Variants in CRACR2A observed in about 807,000 individuals in gnomAD.
The protein encoded by CRACR2A is calcium release activated channel regulator 2A.
Under a neutral mutation model 90.5 loss-of-function variants are expected in CRACR2A, and 79 were observed. The ratio of observed to expected loss-of-function variants is 0.87; its 90% CI spans 0.73 to 1.05. The LOEUF is 1.05. Among genes scored for constraint, CRACR2A ranks in the 50% least tolerant of loss-of-function variants. CRACR2A has a pLI of 0.00. For synonymous variants in CRACR2A, 338 were observed against 356.7 expected (o/e 0.95, Z 0.59); for missense variants, 823 against 897.2 (o/e 0.92, Z 1.06).
chr12:3,741,684 C>G (rs1946527236), intron 1 of CRACR2A, among the ~76,000 whole-genome samples: 13 of 152,172 alleles, frequency 8.5e-5, no homozygotes, highest in Admixed American at 8.5e-4. Flanking sequence ...GGCTTCCCCA[C>G]CTGAGCTTTC....
intron 6 of CRACR2A, among the ~76,000 whole-genome samples, 178 bp from the exon 7 acceptor site, chr12:3,673,770 T>A (rs1000443235): frequency 3.3e-5 from 5 of 152,162 alleles, no homozygotes; most frequent in Admixed American, 2.6e-4. Flanking sequence ...GGATATCAGC[T>A]CATTTCGTCC....
intron 4 of CRACR2A, among the ~76,000 whole-genome samples, chr12:3,683,385 G>A (rs1049861974): frequency 6.6e-6 from 1 of 152,150 alleles, no homozygotes; most frequent in African/African-American, 2.4e-5. Flanking sequence ...AGATCCTGTG[G>A]CACGCACAGC....
At chr12:3,706,635 C>A (rs899755523) in intron 3 of CRACR2A, among the ~76,000 whole-genome samples, 5 of 152,230 alleles carry the variant, frequency 3.3e-5, no homozygotes, top group African/African-American at 1.2e-4. Context: ...GAGTCTCACT[C>A]TGTTGCCCGG....
At chr12:3,727,964 G>A (rs1206453010) in intron 2 of CRACR2A, 14 of 152,186 alleles carry the variant, frequency 9.2e-5, no homozygotes, top group Admixed American at 8.5e-4. Flanking sequence ...CAAGAGGGTA[G>A]GCCAACTGTA....
chr12:3,670,188 G>C (rs1348978144), intron 7 of CRACR2A, among the ~76,000 whole-genome samples: 1 of 152,192 alleles, frequency 6.6e-6, no homozygotes, highest in Non-Finnish European at 1.5e-5. Context: ...GTTCCGCCTG[G>C]TGCCTGGCCT....
chr12:3,683,412 AG>A (rs1945492053), intron 4 of CRACR2A, among the ~76,000 whole-genome samples: 1 of 152,178 alleles, frequency 6.6e-6, no homozygotes, highest in Non-Finnish European at 1.5e-5. Flanking sequence ...CACACCTGGA[AG>A]GGTGGGCCAG....
intron 1 of CRACR2A, among the ~76,000 whole-genome samples, chr12:3,751,999 T>A (rs1278123709): frequency 1.3e-5 from 2 of 152,184 alleles, no homozygotes; most frequent in African/African-American, 2.4e-5. Context: ...CTGCTCTGAT[T>A]TCATATCCCT....
chr12:3,637,690 T>G (rs575366213), intron 14 of CRACR2A, among the ~76,000 whole-genome samples: 1 of 152,106 alleles, frequency 6.6e-6, no homozygotes, highest in Non-Finnish European at 1.5e-5. Context: ...AATCAAATGT[T>G]TAGCCAGCCA....
chr12:3,683,114 G>A (rs1945488394), intron 4 of CRACR2A, among the ~76,000 whole-genome samples: 1 of 152,146 alleles, frequency 6.6e-6, no homozygotes, highest in Admixed American at 6.6e-5. Context: ...AGATAAGCAG[G>A]GTGGAGGGGA....
At chr12:3,640,668 C>A (rs1286165000) in intron 13 of CRACR2A, 1 of 1,305,426 alleles carries the variant, frequency 7.7e-7, no homozygotes, top group Non-Finnish European at 1.0e-6. Flanking sequence ...TGATTTACAT[C>A]TCCAGAGTCA....
intron 7 of CRACR2A, among the ~76,000 whole-genome samples, chr12:3,659,935 G>A (rs1233966137): frequency 6.6e-6 from 1 of 152,186 alleles, no homozygotes; most frequent in Non-Finnish European, 1.5e-5. Flanking sequence ...TGATCCCTAT[G>A]CTCCTCGGTG....
At chr12:3,716,913 G>T (rs1446888275) in intron 2 of CRACR2A, among the ~76,000 whole-genome samples, 2 of 149,852 alleles carry the variant, frequency 1.3e-5, no homozygotes, top group South Asian at 2.2e-4. Flanking sequence ...AAACAATTTT[G>T]AAATTCTTGT....
At chr12:3,634,050 C>T (rs1018865938) in intron 14 of CRACR2A, among the ~76,000 whole-genome samples, 13 of 152,278 alleles carry the variant, frequency 8.5e-5, no homozygotes, top group Admixed American at 3.3e-4. Context: ...AGCACGCTCA[C>T]GGATAAGGAC....
rs147316482 is a variant in CRACR2A, at chr12:3,654,392, C to T, written c.866G>A (p.Gly289Asp). The change falls in exon 10 of 20, where the codon GGT becomes GAT. Residue 289 changes from glycine to aspartate, a missense_variant. Transcript: ENST00000440314. ...QLTQKQKRLE[G>D]QCTALHHDKH... is the part of the protein sequence containing the mutation. The stretch of plus-strand genomic sequence containing the variant: ...GTCATGATGCAGGGCTGTGCACTGA[C>T]CTTCCAGCTGCAAAGGAATGGGGAG... The T allele has an allele frequency of 1.1e-5, 18 of 1,583,062 alleles. No individual in the cohort carries two copies. The African/African-American group carries it at 2.1e-4, about 18-fold the overall frequency.
intron 7 of CRACR2A, among the ~76,000 whole-genome samples, chr12:3,664,715 C>T (rs886704590): frequency 3.3e-5 from 5 of 152,196 alleles, no homozygotes; most frequent in Admixed American, 3.3e-4. Flanking sequence ...ATTCTCAAAA[C>T]ACTCCTTCTG....
intron 2 of CRACR2A, chr12:3,727,896 A>C (rs909223989): frequency 7.2e-5 from 11 of 152,194 alleles, no homozygotes. Flanking sequence ...AAATAAAATA[A>C]AATAAGGAAT....
intron 1 of CRACR2A, among the ~76,000 whole-genome samples, chr12:3,735,245 G>C (rs376561487): frequency 6.4e-4 from 98 of 152,294 alleles, no homozygotes; most frequent in Middle Eastern, 3.4e-3. Context: ...TGCGGAGATA[G>C]AGCAAGTGAG....
chr12:3,646,386 T>A (rs1435267923), intron 11 of CRACR2A, among the ~76,000 whole-genome samples: 3 of 152,214 alleles, frequency 2.0e-5, no homozygotes, highest in African/African-American at 7.2e-5. Context: ...TAGGCCCTGA[T>A]CATCATAATG....
At position 3,649,239 on chromosome 12, in the gene CRACR2A, G is replaced by GATAAATAAATAAATAA. The variant is rs367646184; in HGVS notation, c.1047-642_1047-627dup. Among the ~76,000 whole-genome samples the GATAAATAAATAAATAA allele has an allele frequency of 6.4e-3, 950 of 149,082 alleles. 8 individuals are homozygous for GATAAATAAATAAATAA. The highest frequency in any genetic ancestry group is 0.019 in the African/African-American group (761 of 40,216). On this transcript the variant is annotated intron_variant, in intron 10 of 19. Transcript: ENST00000440314. ...AAAACTTAAAGTATAACAATAATAA[G>GATAAATAAATAAATAA]ATAAATAAATAAATAAATAAATAAA...
Sources: allele counts gnomAD v4.1 joint callset (sites outside exome capture counted in the v4.1 genomes callset), GRCh38; gene constraint gnomAD v4.1.1; transcripts MANE v1.5; gene names NCBI Gene and HGNC (gene_info 2026-07-23, HGNC 2026-07-21).